The following ZNF263 variants were observed in gnomAD, a reference collection of about 807,000 sequenced individuals.
ZNF263 encodes the protein zinc finger protein FPM315.
Under a neutral mutation model 63.1 loss-of-function variants are expected in ZNF263, and 49 were observed. The ratio of observed to expected loss-of-function variants is 0.78; its 90% CI spans 0.62 to 0.99. ZNF263 has a LOEUF of 0.99. Ranked by LOEUF, ZNF263 falls within the 50% of genes least tolerant of loss-of-function variation. The pLI, the probability that ZNF263 is intolerant of heterozygous loss-of-function variation, is 0.00. For synonymous variants in ZNF263, 352 were observed against 324.2 expected, an observed-to-expected ratio of 1.09 and a Z score of -0.92; for missense variants, 872 against 854.8, an observed-to-expected ratio of 1.02 and a Z score of -0.25.
intron 2 of ZNF263, chr16:3,299,958 G>A (rs760979965): frequency 7.1e-5 from 115 of 1,613,576 alleles, no homozygotes; most frequent in Non-Finnish European, 8.1e-5. Context: ...TATGAGTTCC[G>A]TCTGCATTTG....
Position 3,290,286 on chromosome 16 carries a change from CAG to C in ZNF263, c.1784_1785del (p.Arg595AsnfsTer9). 6.2e-7 allele frequency: 1 copy of C among 1,614,096 alleles called. No homozygotes were observed. Among genetic ancestry groups the C allele is most frequent in the Non-Finnish European group, 8.5e-7 (1 of 1,180,022 alleles). On this transcript the variant is annotated frameshift_variant, in exon 6 of 6. Transcript: ENST00000219069. LOFTEE classifies it high-confidence loss of function. ...GCAGGGCATGCACCTCACCAGACAT[CAG>C]AGAACACACACAGGAGAGAAACCGT... ...FRQGMHLTRH[Q>X]RTHTGEKPYK...
intron 1 of ZNF263, among the ~76,000 whole-genome samples, chr16:3,296,527 GAA>G (rs1567256735): frequency 1.3e-5 from 2 of 152,136 alleles, no homozygotes; most frequent in African/African-American, 2.4e-5. Flanking sequence ...CTTAAAAAAA[GAA>G]AAAGTCAAGC....
intron 1 of ZNF263, among the ~76,000 whole-genome samples, chr16:3,284,570 C>T (rs1374549370): frequency 6.6e-6 from 1 of 152,208 alleles, no homozygotes; most frequent in African/African-American, 2.4e-5. Context: ...CTTTCTAGGG[C>T]TTAGAGGGAG....
chr16:3,289,278 G>A, intron 5 of ZNF263, 115 bp from the exon 6 acceptor site: 1 of 1,127,290 alleles, frequency 8.9e-7, no homozygotes, highest in Non-Finnish European at 1.2e-6. Flanking sequence ...ATGGGATTCT[G>A]AGGTAGAAGC....
chr16:3,283,966 C>A lies in ZNF263; in HGVS notation c.148C>A (p.Gln50Lys). 6.2e-7 allele frequency: 1 copy of A among 1,613,974 alleles called. No homozygotes were observed. The highest frequency in any genetic ancestry group is 8.5e-7 in the Non-Finnish European group (1 of 1,179,998). The stretch of plus-strand genomic sequence containing the variant: ...CTTGCGCTTCAGACGGTTCCGCTTC[C>A]AAGAGGCAGCTGGTCCCCGGGAAGC... Reference protein sequence around the residue: ...SHLRFRRFRFQEAAGPREALS... With the variant: ...SHLRFRRFRFKEAAGPREALS... Residue 50 changes from glutamine (Q) to lysine (K), a missense_variant, in exon 1 of 6, where the codon CAA becomes AAA. By Grantham distance (53) the Gln-to-Lys change is moderately conservative. Coordinates refer to ENST00000219069, the MANE Select transcript of ZNF263 (RefSeq NM_005741.5).
Position 3,288,480 on chromosome 16 carries a change from C to G in ZNF263, c.796C>G (p.Pro266Ala). ...LESHIPSQEV[P>A]GTQVGQGGKL... ...GTCTCACATTCCCAGTCAGGAGGTC[C>G]CAGGCACCCAGGTGGGACAAGGAGG... Residue 266 changes from proline to alanine, a missense_variant, in exon 5 of 6, where the codon CCA becomes GCA. Physicochemically the swap from Pro to Ala is conservative, Grantham distance 27. Transcript: ENST00000219069. 2.5e-6 allele frequency: 4 copies of G among 1,612,496 alleles called. No homozygotes were observed. Among genetic ancestry groups the G allele is most frequent in the Admixed American group, 3.3e-5 (2 of 59,952 alleles).
At position 3,288,461 on chromosome 16, in the gene ZNF263, C is replaced by G. The variant is rs778997424; in HGVS notation, c.777C>G (p.His259Gln). ...SYENVDSLESHIPSQEVPGTQ... is the reference protein window; with the variant it reads ...SYENVDSLESQIPSQEVPGTQ... ...TTCTTTCATTGTGAACAGAGTCTCA[C>G]ATTCCCAGTCAGGAGGTCCCAGGCA... The change falls in exon 5 of 6, where the codon CAC (histidine) becomes CAG (glutamine). Residue 259 changes from histidine to glutamine, a missense_variant. Physicochemically the swap from His to Gln is conservative, Grantham distance 24 (BLOSUM62 0). Coordinates refer to ENST00000219069, the MANE Select transcript of ZNF263 (RefSeq NM_005741.5). 12 of 1,610,428 alleles carry G rather than the reference C, an allele frequency of 7.5e-6. No homozygotes were observed. Among genetic ancestry groups the G allele is most frequent in the Non-Finnish European group, 1.0e-5 (12 of 1,177,490 alleles).
Position 3,286,106 on chromosome 16 carries a change from C to T in ZNF263, c.726C>T (p.Ser242=). The T allele has an allele frequency of 6.2e-7, 1 of 1,611,364 alleles. No individual in the cohort carries two copies. The highest frequency in any genetic ancestry group is 8.5e-7 in the Non-Finnish European group (1 of 1,179,146). Residue 242 remains serine (S), a synonymous_variant, in exon 4 of 6, where the codon TCC becomes TCT. Coordinates refer to ENST00000219069, the MANE Select transcript of ZNF263 (RefSeq NM_005741.5). The part of the protein sequence containing the change: ...GHQDPSKRAL[S]RDTVQESYEN... ...AGGATCCTAGTAAGAGGGCCCTCTC[C>T]AGGGACACGGTGCAGGAGAGTTATG...
intron 4 of ZNF263, 165 bp downstream of exon 4, chr16:3,286,314 G>A (rs1446967976): frequency 1.9e-6 from 2 of 1,040,612 alleles, no homozygotes; most frequent in East Asian, 3.1e-5. Flanking sequence ...TATCTGCCAA[G>A]TGGTACAGTT....
At chr16:3,287,978 G>A (rs924954275) in intron 4 of ZNF263, among the ~76,000 whole-genome samples, 7 of 151,578 alleles carry the variant, frequency 4.6e-5, no homozygotes, top group Admixed American at 1.3e-4. Context: ...TTGGCCGGGC[G>A]CAGTGGCTCA....
intron 4 of ZNF263, 102 bp from the exon 5 acceptor site, chr16:3,288,352 A>G: frequency 1.2e-6 from 1 of 830,330 alleles, no homozygotes; most frequent in Non-Finnish European, 2.1e-6. Context: ...AGATTTATGG[A>G]GCATTCTGTA....
downstream of ZNF263, among the ~76,000 whole-genome samples, chr16:3,296,076 G>A (rs1959737035): frequency 6.6e-6 from 1 of 152,254 alleles, no homozygotes; most frequent in African/African-American, 2.4e-5. Flanking sequence ...TGTCCTCTCA[G>A]ACACCTCCCC....
chr16:3,300,802 T>G (rs1410496240), intron 2 of ZNF263: 1 of 974,674 alleles, frequency 1.0e-6, no homozygotes, highest in Non-Finnish European at 1.4e-6. Context: ...GAGGTGGAGG[T>G]CTTATGCACT....
At chr16:3,300,160 T>G (rs1959894827) in intron 2 of ZNF263, 1 of 1,614,112 alleles carries the variant, frequency 6.2e-7, no homozygotes, top group Non-Finnish European at 8.5e-7. Flanking sequence ...TGGCTCAACA[T>G]TTTCAGAAAC....
At position 3,291,329 on chromosome 16, in the gene ZNF263, G is replaced by A. The variant is rs1959606167; in HGVS notation, c.*771G>A. On this transcript the variant is annotated 3_prime_UTR_variant, in exon 6 of 6. Coordinates refer to ENST00000219069, the MANE Select transcript of ZNF263 (RefSeq NM_005741.5). Reference sequence around the variant, plus strand: ...CTGGAGTCTTGTTCCTGACTCCAGAGGAACGAGAGCATTCCAGGAAAGAGA... The same window carrying A: ...CTGGAGTCTTGTTCCTGACTCCAGAAGAACGAGAGCATTCCAGGAAAGAGA... The A allele has an allele frequency of 1.0e-6, 1 of 985,426 alleles. No individual in the cohort carries two copies. Among genetic ancestry groups the A allele is most frequent in the Non-Finnish European group, 1.2e-6 (1 of 829,934 alleles). The allele number at this position is 985,426 out of a possible 1,614,324, so 61.0% of individuals were successfully genotyped here.
intron 2 of ZNF263, chr16:3,300,269 G>T: frequency 6.2e-7 from 1 of 1,614,100 alleles, no homozygotes; most frequent in Non-Finnish European, 8.5e-7. Context: ...AAATCTGTTC[G>T]CCCAAAACAC....
chr16:3,298,991 G>C (rs1959848685), intron 1 of ZNF263: 1 of 1,297,582 alleles, frequency 7.7e-7, no homozygotes, highest in South Asian at 2.9e-5. Context: ...GAAGTTGAAG[G>C]CCCACTGAAG....
chr16:3,291,660 G>C (rs906508569), downstream of ZNF263, among the ~76,000 whole-genome samples: 3 of 152,176 alleles, frequency 2.0e-5, no homozygotes, highest in African/African-American at 7.2e-5. Context: ...GGTAACAAAG[G>C]GTCAAGCCAA....
At chr16:3,287,102 ATT>A (rs1233544650) in intron 4 of ZNF263, among the ~76,000 whole-genome samples, 1 of 152,174 alleles carries the variant, frequency 6.6e-6, no homozygotes, top group Non-Finnish European at 1.5e-5. Context: ...CACACCGCAC[ATT>A]GTTTCCATAT....
Sources: gnomAD v4.1 joint callset for allele counts (sites outside exome capture counted in the v4.1 genomes callset) on GRCh38, gnomAD v4.1.1 for gene constraint, MANE v1.5 for transcripts, NCBI Gene and HGNC (gene_info 2026-07-23, HGNC 2026-07-21) for gene names.